Variants in ADAMTS16 observed in about 807,000 individuals in gnomAD.
ADAMTS16 encodes A disintegrin and metalloproteinase with thrombospondin motifs 16.
Under a neutral mutation model 145.8 loss-of-function variants are expected in ADAMTS16, and 94 were observed. That is an observed-to-expected ratio of 0.64 (90% CI 0.55 to 0.77). The LOEUF (loss-of-function observed/expected upper bound fraction) is 0.77. Ranked by LOEUF, ADAMTS16 falls within the 30% of genes least tolerant of loss-of-function variation. The pLI is 0.00. For synonymous variants in ADAMTS16, 659 were observed against 604.3 expected, an observed-to-expected ratio of 1.09 and a Z score of -1.33; for missense variants, 1,585 against 1,591.5, an observed-to-expected ratio of 1.00 and a Z score of 0.07.
intron 11 of ADAMTS16, among the ~76,000 whole-genome samples, chr5:5,232,051 G>C (rs1383393009): frequency 2.0e-5 from 3 of 152,172 alleles, no homozygotes; most frequent in African/African-American, 7.2e-5. Context: ...CTTGGGAGTT[G>C]AACAGCCAGA....
At chr5:5,271,209 G>A (rs1007448636) in intron 18 of ADAMTS16, among the ~76,000 whole-genome samples, 8 of 152,348 alleles carry the variant, frequency 5.3e-5, no homozygotes, top group Admixed American at 3.9e-4. Flanking sequence ...TGCCAGATGG[G>A]ATCCCCTAAG....
chr5:5,306,576 T>C lies in ADAMTS16; in HGVS notation c.3259T>C (p.Tyr1087His), dbSNP rs200073500. Reference protein sequence around the residue: ...KCAEKYVSGKYRELASKKCSH... With the variant: ...KCAEKYVSGKHRELASKKCSH... ...TGCTGAAAAGTATGTTTCTGGAAAG[T>C]ATCGAGAGCTGGCCTCAAAGAAGTG... The change falls in exon 21 of 23, where the codon TAT becomes CAT. Residue 1087 changes from tyrosine to histidine, a missense_variant. By Grantham distance (83) the Tyr-to-His change is moderately conservative. Transcript: ENST00000274181. The C allele has an allele frequency of 1.2e-4, 187 of 1,614,124 alleles. No homozygotes were observed. The highest frequency in any genetic ancestry group is 3.3e-4 in the Middle Eastern group (2 of 6,084).
chr5:5,256,494 T>C (rs1010104137), intron 17 of ADAMTS16, among the ~76,000 whole-genome samples: 2 of 152,228 alleles, frequency 1.3e-5, no homozygotes, highest in South Asian at 4.1e-4. Context: ...TCACATGACT[T>C]ACTAGATCCA....
In ADAMTS16 at chr5:5,303,659, G is replaced by C. The variant is rs369804339; in HGVS notation, c.3079G>C (p.Asp1027His). Residue 1027 changes from aspartate (D) to histidine (H), a missense_variant, in exon 20 of 23, where the codon GAC (aspartate) becomes CAC (histidine). Physicochemically the swap from Asp to His is moderately conservative, Grantham distance 81. Transcript: ENST00000274181. ...CTCGGCCAGAGCGCAGCTGCTGCCC[G>C]ACGCTGTCTGCACCTCCGAGCCCAA... Reference protein sequence around the residue: ...NPSARAQLLPDAVCTSEPKPR... With the variant: ...NPSARAQLLPHAVCTSEPKPR... The C allele has an allele frequency of 8.1e-6, 13 of 1,613,850 alleles. No individual in the cohort carries two copies. The African/African-American group carries it at 9.3e-5, about 12-fold the overall frequency.
chr5:5,186,030 C>T (rs1261502947), intron 4 of ADAMTS16, 22 bp from the exon 5 acceptor site: 1 of 1,594,154 alleles, frequency 6.3e-7, no homozygotes, highest in Non-Finnish European at 8.6e-7. Flanking sequence ...CTTCCATTTG[C>T]CCTCCATGTG....
chr5:5,182,199 C>T lies in ADAMTS16; in HGVS notation c.657C>T (p.Val219=). 6.2e-7 allele frequency: 1 copy of T among 1,614,172 alleles called. No homozygotes were observed. The highest frequency in any genetic ancestry group is 1.1e-5 in the South Asian group (1 of 91,080). Residue 219 remains valine (V), a synonymous_variant, in exon 4 of 23, where the codon GTC becomes GTT. Coordinates refer to ENST00000274181, the MANE Select transcript of ADAMTS16 (RefSeq NM_139056.4). The stretch of plus-strand genomic sequence containing the variant: ...CCCATGCTCCTGGGGCCAGTGAGGT[C>T]CTGGTGACCTCAAGGACATGGGAGC... ...TEPHAPGASE[V]LVTSRTWELA...
At chr5:5,296,477 C>T (rs4078080) in intron 18 of ADAMTS16, among the ~76,000 whole-genome samples, 29,034 of 151,978 alleles carry the variant, frequency 0.19, 2,984 homozygotes, top group South Asian at 0.29. Flanking sequence ...AAGAAATTGA[C>T]GCCACAAAGG....
At chr5:5,219,279 A>G (rs1369300736) in intron 10 of ADAMTS16, among the ~76,000 whole-genome samples, 3 of 152,170 alleles carry the variant, frequency 2.0e-5, no homozygotes, top group Admixed American at 6.5e-5. Flanking sequence ...TATACAATAA[A>G]TTGTTGTTAA....
chr5:5,158,261 A>G (rs1734651385), intron 3 of ADAMTS16, among the ~76,000 whole-genome samples: 1 of 152,196 alleles, frequency 6.6e-6, no homozygotes, highest in African/African-American at 2.4e-5. Context: ...GATTGTTACG[A>G]TTCCTACAGT....
intron 2 of ADAMTS16, 76 bp from the exon 3 acceptor site, chr5:5,146,054 T>C: frequency 7.8e-7 from 1 of 1,286,932 alleles, no homozygotes; most frequent in Middle Eastern, 1.9e-4. Flanking sequence ...GGTAAAATAA[T>C]ATTATATCTT....
chr5:5,153,310 G>A (rs1734521208), intron 3 of ADAMTS16, among the ~76,000 whole-genome samples: 1 of 152,098 alleles, frequency 6.6e-6, no homozygotes, highest in Admixed American at 6.6e-5. Context: ...TTATTTACAG[G>A]TTTTTTAATA....
Position 5,269,341 on chromosome 5 carries a change from C to A in ADAMTS16, c.2789+6558C>A, listed in dbSNP as rs1738378029. Among the ~76,000 whole-genome samples, 1 of 152,126 alleles carries A rather than the reference C, an allele frequency of 6.6e-6. No homozygotes were observed. Among genetic ancestry groups the A allele is most frequent in the Admixed American group, 6.5e-5 (1 of 15,270 alleles). On this transcript the variant is annotated intron_variant, in intron 18 of 22. Coordinates refer to ENST00000274181, the MANE Select transcript of ADAMTS16 (RefSeq NM_139056.4). The surrounding 1 kb of genome is among the most constrained non-coding windows in gnomAD (Gnocchi z 4.3). ...CTCTTGACCCACTGTGCACATGGAG[C>A]TCAGCAGTAAATGCTACCCCCAAAA... is the stretch of plus-strand genomic sequence containing the variant.
rs185434323 is a variant in ADAMTS16, at chr5:5,192,070, G to T, written c.1313+280G>T. 3.3e-3 allele frequency among the ~76,000 whole-genome samples: 509 copies of T among 152,266 alleles called. 3 individuals are homozygous for T. The highest frequency in any genetic ancestry group is 5.5e-3 in the Non-Finnish European group (377 of 68,026). On this transcript the variant is annotated intron_variant, in intron 8 of 22. Coordinates refer to ENST00000274181, the MANE Select transcript of ADAMTS16 (RefSeq NM_139056.4). ...ATGACCTCAGCTCACTGCAATGTCT[G>T]CCTCCTGGGCTCAAGCAATCCTCTT...
chr5:5,303,135 G>A (rs1012503288), intron 18 of ADAMTS16, 133 bp from the exon 19 acceptor site: 1 of 958,196 alleles, frequency 1.0e-6, no homozygotes. Context: ...CCCAGGAAAG[G>A]TGGAACTGAA....
rs1738364208 is a variant in ADAMTS16, at chr5:5,269,001, C to A, written c.2789+6218C>A. On this transcript the variant is annotated intron_variant, in intron 18 of 22. Transcript: ENST00000274181. The surrounding 1 kb of genome is among the most constrained non-coding windows in gnomAD (Gnocchi z 4.3). ...CCTTGTTAAGCCATGCCTGCTGGGT[C>A]TAGTTGGTGCAGCTCAGCCACATTC... 6.6e-6 allele frequency among the ~76,000 whole-genome samples: 1 copy of A among 152,166 alleles called. No individual in the cohort carries two copies. The highest frequency in any genetic ancestry group is 6.5e-5 in the Admixed American group (1 of 15,286).
chr5:5,245,594 T>G (rs1426965518), intron 17 of ADAMTS16, among the ~76,000 whole-genome samples: 2 of 152,162 alleles, frequency 1.3e-5, no homozygotes, highest in Admixed American at 6.5e-5. Context: ...CTTTGAGAAT[T>G]TAAGGGTCTA....
intron 2 of ADAMTS16, chr5:5,142,516 A>G (rs938650224): frequency 4.6e-5 from 7 of 152,290 alleles, no homozygotes; most frequent in Non-Finnish European, 1.0e-4. Context: ...ACAAGCTTTT[A>G]TGCCACCAGA....
intron 13 of ADAMTS16, among the ~76,000 whole-genome samples, chr5:5,236,162 C>A (rs16875111): frequency 0.21 from 31,595 of 152,040 alleles, 3,683 homozygotes; most frequent in East Asian, 0.5. Context: ...TAATCATGGA[C>A]GCACACACTA....
At chr5:5,187,655 C>A in intron 5 of ADAMTS16, 70 bp from the exon 6 acceptor site, 2 of 998,734 alleles carry the variant, frequency 2.0e-6, no homozygotes, top group South Asian at 1.3e-5. Context: ...GCGTTGGATT[C>A]TAGGCCCGCT....
Sources: gnomAD v4.1 joint callset for allele counts (sites outside exome capture counted in the v4.1 genomes callset) on GRCh38, gnomAD v4.1.1 for gene constraint, Gnocchi (gnomAD v3.1) non-coding constraint, MANE v1.5 for transcripts, NCBI Gene and HGNC (gene_info 2026-07-23, HGNC 2026-07-21) for gene names.